Variants in KCNIP4 observed in about 807,000 individuals in gnomAD.
KCNIP4 encodes the protein potassium voltage-gated channel interacting protein 4.
A neutral mutation model predicts 34.0 loss-of-function variants in KCNIP4; 12 were observed. The observed-to-expected ratio is 0.35, with a 90% CI of 0.23 to 0.57. KCNIP4 has a LOEUF of 0.57. KCNIP4 is among the 20% of genes least tolerant of loss of function. KCNIP4 has a pLI of 0.83. For synonymous variants in KCNIP4, 124 were observed against 102.2 expected, an observed-to-expected ratio of 1.21 and a Z score of -1.29; for missense variants, 238 against 311.7, an observed-to-expected ratio of 0.76 and a Z score of 1.78.
chr4:21,048,944 CTT>C lies in KCNIP4; in HGVS notation c.62-166237_62-166236del, dbSNP rs949548104. Among the ~76,000 whole-genome samples the C allele has an allele frequency of 8.2e-3, 782 of 95,946 alleles. 3 individuals are homozygous for C. The highest frequency in any genetic ancestry group is 0.031 in the African/African-American group (741 of 23,682). 62.9% of individuals were successfully genotyped at this position (95,946 alleles called of 152,430 possible). A position where few individuals can be genotyped will look rare whatever the true frequency, so the allele number is the denominator to read the frequency against. On this transcript the variant is annotated intron_variant, in intron 1 of 8. Transcript: ENST00000382152. ...AGCTCTTTCAGTACCTTCTGTTTAT[CTT>C]TTTTTTTTTTTTTTTTTTTTTTGAG... is the stretch of plus-strand genomic sequence containing the variant.
At chr4:21,344,889 G>A (rs1038574517) in intron 1 of KCNIP4, among the ~76,000 whole-genome samples, 1 of 152,158 alleles carries the variant, frequency 6.6e-6, no homozygotes, top group African/African-American at 2.4e-5. Context: ...ATACACAGAG[G>A]CATAGATACT....
chr4:20,887,888 G>A (rs1408703009), intron 1 of KCNIP4, among the ~76,000 whole-genome samples: 2 of 145,602 alleles, frequency 1.4e-5, no homozygotes, highest in African/African-American at 5.7e-5. Flanking sequence ...CAGCAAAAAA[G>A]TATTGTAGAG....
intron 2 of KCNIP4, among the ~76,000 whole-genome samples, chr4:20,866,452 C>A (rs1280794395): frequency 1.3e-5 from 2 of 152,040 alleles, no homozygotes; most frequent in Non-Finnish European, 2.9e-5. Flanking sequence ...CAGTAACACC[C>A]TATATCCTTT....
intron 1 of KCNIP4, among the ~76,000 whole-genome samples, chr4:20,989,329 T>A (rs963136591): frequency 3.9e-5 from 6 of 152,202 alleles, no homozygotes; most frequent in African/African-American, 1.2e-4. Context: ...ATATATTTTT[T>A]AAAAATTTGC....
intron 1 of KCNIP4, among the ~76,000 whole-genome samples, chr4:21,132,926 T>C (rs1013336702): frequency 6.6e-6 from 1 of 150,818 alleles, no homozygotes; most frequent in Non-Finnish European, 1.5e-5. Flanking sequence ...GGCAGGAGAA[T>C]TGCTTGAACC....
chr4:21,312,264 T>C (rs1713266101), intron 1 of KCNIP4, among the ~76,000 whole-genome samples: 1 of 152,218 alleles, frequency 6.6e-6, no homozygotes, highest in Admixed American at 6.5e-5. Context: ...GTTATACATA[T>C]GTATTGACTC....
At chr4:21,498,671 TA>T (rs1190943097) in intron 1 of KCNIP4, among the ~76,000 whole-genome samples, 3 of 152,186 alleles carry the variant, frequency 2.0e-5, no homozygotes, top group East Asian at 1.9e-4. Flanking sequence ...TTGATGGACA[TA>T]TTTTTTTCAC....
chr4:21,574,438 A>T (rs1335610153), intron 1 of KCNIP4, among the ~76,000 whole-genome samples: 1 of 152,050 alleles, frequency 6.6e-6, no homozygotes, highest in East Asian at 1.9e-4. Flanking sequence ...AATATATGGC[A>T]GGTTTAATCA....
intron 1 of KCNIP4, among the ~76,000 whole-genome samples, chr4:20,999,438 GT>G (rs56952036): frequency 0.01 from 472 of 45,516 alleles, no homozygotes; most frequent in Non-Finnish European, 0.014. Context: ...TTTGTTTTTT[GT>G]TTTTTTTTTT....
At chr4:21,940,460 T>G (rs982475552) in intron 1 of KCNIP4, among the ~76,000 whole-genome samples, 7 of 152,216 alleles carry the variant, frequency 4.6e-5, no homozygotes, top group African/African-American at 1.4e-4. Flanking sequence ...TAAACATGTT[T>G]AGGCATTTAT....
chr4:21,127,697 G>A (rs1750734272), intron 1 of KCNIP4, among the ~76,000 whole-genome samples: 1 of 152,164 alleles, frequency 6.6e-6, no homozygotes, highest in South Asian at 2.1e-4. Context: ...ACTCTCCAAT[G>A]TGTTAATATA....
At chr4:21,487,339 C>T (rs941234941) in intron 1 of KCNIP4, among the ~76,000 whole-genome samples, 43 of 152,142 alleles carry the variant, frequency 2.8e-4, no homozygotes, top group African/African-American at 6.0e-4. Context: ...GATTAGAATA[C>T]GCTCGTATGT....
chr4:21,249,684 T>C (rs1369051908), intron 1 of KCNIP4, among the ~76,000 whole-genome samples: 1 of 152,146 alleles, frequency 6.6e-6, no homozygotes, highest in African/African-American at 2.4e-5. Context: ...TGGGGCATAT[T>C]AATATGGTAA....
intron 3 of KCNIP4, among the ~76,000 whole-genome samples, chr4:20,801,190 C>G (rs1178972942): frequency 6.6e-6 from 1 of 151,422 alleles, no homozygotes; most frequent in East Asian, 1.9e-4. Context: ...AGAGCTATCC[C>G]TCAGAAATAA....
intron 1 of KCNIP4, among the ~76,000 whole-genome samples, chr4:21,413,709 A>G (rs1560381402): frequency 6.6e-6 from 1 of 152,214 alleles, no homozygotes; most frequent in African/African-American, 2.4e-5. Context: ...TTTAGGAGGC[A>G]TCAATAAAGG....
At chr4:21,431,225 A>C (rs542525361) in intron 1 of KCNIP4, among the ~76,000 whole-genome samples, 1 of 152,208 alleles carries the variant, frequency 6.6e-6, no homozygotes, top group South Asian at 2.1e-4. Flanking sequence ...ATACATAAGA[A>C]CATCAAAGAG....
At chr4:21,454,836 T>C (rs1728787502) in intron 1 of KCNIP4, among the ~76,000 whole-genome samples, 1 of 152,112 alleles carries the variant, frequency 6.6e-6, no homozygotes, top group African/African-American at 2.4e-5. Flanking sequence ...AAATTCTGAA[T>C]AGTTTAAGCT....
At chr4:21,829,107 G>A (rs1352095886) in intron 1 of KCNIP4, among the ~76,000 whole-genome samples, 2 of 151,762 alleles carry the variant, frequency 1.3e-5, no homozygotes, top group East Asian at 1.9e-4. Context: ...AACTTACGAT[G>A]GTTTGACTTA....
At chr4:20,786,698 G>A (rs752541866) in intron 3 of KCNIP4, among the ~76,000 whole-genome samples, 11 of 152,034 alleles carry the variant, frequency 7.2e-5, no homozygotes, top group Non-Finnish European at 1.6e-4. Flanking sequence ...TGTACACTGT[G>A]CTTTATAATA....
Sources: allele counts gnomAD v4.1 joint callset (sites outside exome capture counted in the v4.1 genomes callset), GRCh38; gene constraint gnomAD v4.1.1; transcripts MANE v1.5; gene names NCBI Gene and HGNC (gene_info 2026-07-23, HGNC 2026-07-21).